Variants in SYNDIG1 observed in about 807,000 individuals in gnomAD.
SYNDIG1 encodes the protein synapse differentiation inducing 1.
A neutral mutation model predicts 19.4 loss-of-function variants in SYNDIG1; 9 were observed. That is an observed-to-expected ratio of 0.46 (90% CI 0.28 to 0.81). The LOEUF is 0.81. Among genes scored for constraint, SYNDIG1 ranks in the 30% least tolerant of loss-of-function variants. The probability of loss-of-function intolerance (pLI) is 0.12; values close to 1 mark genes in which losing one functional copy is unlikely to be tolerated. For missense variants in SYNDIG1, 311 were observed against 343.3 expected, an observed-to-expected ratio of 0.91 and a Z score of 0.74; for synonymous variants, 141 against 145.9, an observed-to-expected ratio of 0.97 and a Z score of 0.24.
At chr20:24,559,837 T>A (rs1203184784) in intron 2 of SYNDIG1, among the ~76,000 whole-genome samples, 1 of 152,138 alleles carries the variant, frequency 6.6e-6, no homozygotes, top group Non-Finnish European at 1.5e-5. Context: ...AGACATCAGT[T>A]GTCCTGATAT....
intron 1 of SYNDIG1, 84 bp from the exon 2 acceptor site, chr20:24,542,936 C>T: frequency 9.7e-7 from 1 of 1,034,790 alleles, no homozygotes; most frequent in Non-Finnish European, 1.4e-6. Flanking sequence ...CTGGCTGGTA[C>T]AGTCTGAAAC....
intron 2 of SYNDIG1, among the ~76,000 whole-genome samples, chr20:24,578,245 C>T (rs577241883): frequency 6.6e-6 from 1 of 152,068 alleles, no homozygotes; most frequent in Non-Finnish European, 1.5e-5. Flanking sequence ...GAGTTCGAGA[C>T]CAGCCTGGCT....
intron 3 of SYNDIG1, among the ~76,000 whole-genome samples, chr20:24,626,419 G>A (rs1031905840): frequency 2.7e-5 from 4 of 150,254 alleles, no homozygotes; most frequent in Non-Finnish European, 4.4e-5. Context: ...GGGCCGAGGC[G>A]CTCCTCACAT....
chr20:24,481,278 A>C (rs1346337713), intron 1 of SYNDIG1, among the ~76,000 whole-genome samples: 1 of 152,220 alleles, frequency 6.6e-6, no homozygotes, highest in Admixed American at 6.5e-5. Flanking sequence ...TTGAAAGGGC[A>C]CAGTGGGGAC....
intron 1 of SYNDIG1, among the ~76,000 whole-genome samples, chr20:24,493,751 T>C (rs1227019830): frequency 1.3e-5 from 2 of 152,134 alleles, no homozygotes; most frequent in East Asian, 3.9e-4. Context: ...GACACTGTAG[T>C]GTGAGGAGCT....
intron 1 of SYNDIG1, among the ~76,000 whole-genome samples, chr20:24,478,730 C>T (rs147457374): frequency 6.6e-6 from 1 of 152,300 alleles, no homozygotes; most frequent in Non-Finnish European, 1.5e-5. Flanking sequence ...GCGCCACAGC[C>T]AGTCAGGGGC....
At chr20:24,519,013 A>G (rs1369344089) in intron 1 of SYNDIG1, among the ~76,000 whole-genome samples, 2 of 152,254 alleles carry the variant, frequency 1.3e-5, no homozygotes, top group African/African-American at 2.4e-5. Flanking sequence ...CTGGCAGAGA[A>G]TAACTCAAGA....
chr20:24,618,338 C>A (rs1315391179), intron 3 of SYNDIG1, among the ~76,000 whole-genome samples: 3 of 57,284 alleles, frequency 5.2e-5, no homozygotes, highest in African/African-American at 2.2e-4. Flanking sequence ...GCCCAGGGAG[C>A]GAGGAGATCC....
At chr20:24,493,253 G>A (rs2056204653) in intron 1 of SYNDIG1, among the ~76,000 whole-genome samples, 1 of 152,210 alleles carries the variant, frequency 6.6e-6, no homozygotes, top group South Asian at 2.1e-4. Context: ...CTAGTTGTGG[G>A]TTTCCTTTAT....
chr20:24,566,982 A>G (rs935309644), intron 2 of SYNDIG1, among the ~76,000 whole-genome samples: 1 of 152,016 alleles, frequency 6.6e-6, no homozygotes, highest in Admixed American at 6.5e-5. Context: ...TGGGAGCATA[A>G]CCCTTCTCTA....
At chr20:24,648,071 C>T (rs57836740) in intron 3 of SYNDIG1, among the ~76,000 whole-genome samples, 209 of 152,256 alleles carry the variant, frequency 1.4e-3, no homozygotes, top group African/African-American at 4.9e-3. Flanking sequence ...GTTTCAGCCT[C>T]ATGACCTCAT....
chr20:24,587,457 T>C (rs186256277), intron 3 of SYNDIG1, among the ~76,000 whole-genome samples: 10 of 152,314 alleles, frequency 6.6e-5, no homozygotes, highest in Admixed American at 5.2e-4. Flanking sequence ...CAAGCAGCCC[T>C]GCACAGGACG....
chr20:24,535,735 G>C (rs150263390), intron 1 of SYNDIG1, among the ~76,000 whole-genome samples: 1 of 152,340 alleles, frequency 6.6e-6, no homozygotes, highest in African/African-American at 2.4e-5. Flanking sequence ...TTGCTGGGCA[G>C]ATGATCTCGC....
chr20:24,534,623 T>C (rs768500712), intron 1 of SYNDIG1, among the ~76,000 whole-genome samples: 26 of 152,220 alleles, frequency 1.7e-4, no homozygotes, highest in Non-Finnish European at 3.4e-4. Flanking sequence ...TCAAGGCAGC[T>C]TTGTCTCGCC....
chr20:24,596,083 G>A (rs1382833846), intron 3 of SYNDIG1, among the ~76,000 whole-genome samples: 2 of 152,088 alleles, frequency 1.3e-5, no homozygotes, highest in African/African-American at 2.4e-5. Flanking sequence ...ACTTTTTGAT[G>A]TGGGCATTTA....
At chr20:24,526,993 G>A (rs1484244251) in intron 1 of SYNDIG1, among the ~76,000 whole-genome samples, 3 of 152,232 alleles carry the variant, frequency 2.0e-5, no homozygotes, top group African/African-American at 7.2e-5. Flanking sequence ...GCAGTTTCAT[G>A]TAATGTGTCA....
At chr20:24,522,027 T>G (rs1003399701) in intron 1 of SYNDIG1, among the ~76,000 whole-genome samples, 2 of 152,080 alleles carry the variant, frequency 1.3e-5, no homozygotes, top group Non-Finnish European at 2.9e-5. Flanking sequence ...CCCACCTTCC[T>G]CTTTTGACTG....
At chr20:24,510,499 G>T (rs760960712) in intron 1 of SYNDIG1, among the ~76,000 whole-genome samples, 9 of 151,076 alleles carry the variant, frequency 6.0e-5, no homozygotes, top group Admixed American at 2.0e-4. Context: ...AACCCGGGAG[G>T]CAGAGGTTGC....
chr20:24,630,116 C>A (rs2059217440), intron 3 of SYNDIG1, among the ~76,000 whole-genome samples: 1 of 152,144 alleles, frequency 6.6e-6, no homozygotes, highest in African/African-American at 2.4e-5. Context: ...AAGAAAAAGA[C>A]AAAGACCTGA....
Sources: allele counts gnomAD v4.1 joint callset (sites outside exome capture counted in the v4.1 genomes callset), GRCh38; gene constraint gnomAD v4.1.1; transcripts MANE v1.5; gene names NCBI Gene and HGNC (gene_info 2026-07-23, HGNC 2026-07-21).